BRWD1: variants seen among roughly 807,000 people sequenced by gnomAD.
The protein encoded by BRWD1 is bromodomain and WD repeat-containing protein 1.
A neutral mutation model predicts 251.2 loss-of-function variants in BRWD1; 82 were observed. The ratio of observed to expected loss-of-function variants is 0.33; its 90% CI spans 0.27 to 0.39. The LOEUF is 0.39. Among genes scored for constraint, BRWD1 ranks in the 10% least tolerant of loss-of-function variants. BRWD1 has a pLI of 1.00. For synonymous variants in BRWD1, 918 were observed against 902.8 expected (o/e 1.02, Z -0.30); for missense variants, 2,233 against 2,711.6 (o/e 0.82, Z 3.92).
chr21:39,233,290 G>T (rs1400430535), intron 23 of BRWD1, among the ~76,000 whole-genome samples: 1 of 152,114 alleles, frequency 6.6e-6, no homozygotes, highest in Non-Finnish European at 1.5e-5. Context: ...AAATCACCCA[G>T]TCAAATCAGC....
chr21:39,218,418 G>C, intron 30 of BRWD1, 87 bp downstream of exon 30: 2 of 1,435,136 alleles, frequency 1.4e-6, no homozygotes, highest in African/African-American at 2.9e-5. Flanking sequence ...GAAAAGAACA[G>C]AAACCTCAAT....
chr21:39,236,605 G>C lies in BRWD1; in HGVS notation c.2756C>G (p.Pro919Arg). The C allele has an allele frequency of 6.2e-7, 1 of 1,602,914 alleles. No homozygotes were observed. The highest frequency in any genetic ancestry group is 2.2e-5 in the East Asian group (1 of 44,732). Residue 919 changes from proline (P) to arginine (R), a missense_variant, in exon 23 of 41, where the codon CCT becomes CGT. Physicochemically the swap from Pro to Arg is moderately radical, Grantham distance 103. Transcript: ENST00000342449. ...ATACGTTTTTCTTACCTCCTTCTTA[G>C]GCTTATTTTCTTTCTTTCTCTTTCG... ...RRRKRKKENK[P>R]KKENLRRMTP... is the part of the protein sequence containing the mutation.
chr21:39,214,266 A>G (rs1157000587), intron 32 of BRWD1, among the ~76,000 whole-genome samples: 2 of 152,220 alleles, frequency 1.3e-5, no homozygotes, highest in East Asian at 1.9e-4. Context: ...TTTCCAAGTC[A>G]GTTTACATTC....
At chr21:39,286,520 CTT>C (rs1010358852) in intron 8 of BRWD1, among the ~76,000 whole-genome samples, 1 of 137,708 alleles carries the variant, frequency 7.3e-6, no homozygotes, top group Non-Finnish European at 1.6e-5. Context: ...AGTATTTGTA[CTT>C]TTTTTTTTTT....
Position 39,188,981 on chromosome 21 carries a change from G to T in BRWD1, c.*7278C>A, listed in dbSNP as rs566334276. ...CCTTCAGCTGGACTCTGTGGGAAGA[G>T]AAGTGGCTTAAAGTGCACTGTGTTT... is the stretch of plus-strand genomic sequence containing the variant. On this transcript the variant is annotated 3_prime_UTR_variant, in exon 41 of 41. Coordinates refer to ENST00000342449, the MANE Select transcript of BRWD1 (RefSeq NM_033656.4). 9.2e-5 allele frequency: 91 copies of T among 985,390 alleles called. No homozygotes were observed. The highest frequency in any genetic ancestry group is 1.0e-4 in the Non-Finnish European group (85 of 829,924). 61.0% of individuals were successfully genotyped at this position (985,390 alleles called of 1,614,324 possible).
intron 18 of BRWD1, among the ~76,000 whole-genome samples, chr21:39,256,409 C>G (rs2034564263): frequency 6.6e-6 from 1 of 152,160 alleles, no homozygotes; most frequent in East Asian, 1.9e-4. Flanking sequence ...TCTGAGCCAC[C>G]AAGGCAAGTA....
At position 39,188,487 on chromosome 21, in the gene BRWD1, C is replaced by G; in HGVS notation, c.*7772G>C. The G allele has an allele frequency of 1.0e-6, 1 of 985,392 alleles. No individual in the cohort carries two copies. The allele number at this position is 985,392 out of a possible 1,614,324, so 61.0% of individuals were successfully genotyped here. On this transcript the variant is annotated 3_prime_UTR_variant, in exon 41 of 41. Transcript: ENST00000342449. ...TTTAGTCAGATACTATCAAGTAACACTATTATTCTGTAGCAATGAAACCAC... is the reference window on the plus strand; with the variant it reads ...TTTAGTCAGATACTATCAAGTAACAGTATTATTCTGTAGCAATGAAACCAC...
chr21:39,263,286 A>G (rs956271953), intron 17 of BRWD1, among the ~76,000 whole-genome samples: 2 of 152,342 alleles, frequency 1.3e-5, no homozygotes, highest in South Asian at 2.1e-4. Context: ...TCATCCAAAC[A>G]AACAAAATAG....
intron 38 of BRWD1, among the ~76,000 whole-genome samples, chr21:39,202,018 T>C (rs2032134581): frequency 6.6e-6 from 1 of 152,212 alleles, no homozygotes; most frequent in Admixed American, 6.5e-5. Flanking sequence ...TGAACTTCAT[T>C]GATTCTTAGT....
At chr21:39,262,292 A>G (rs1486726208) in intron 17 of BRWD1, among the ~76,000 whole-genome samples, 2 of 152,222 alleles carry the variant, frequency 1.3e-5, no homozygotes, top group African/African-American at 4.8e-5. Flanking sequence ...AAAACAAATG[A>G]TAATATACCC....
downstream of BRWD1, chr21:39,184,544 G>C (rs2031100579): frequency 6.6e-6 from 1 of 152,236 alleles, no homozygotes; most frequent in Non-Finnish European, 1.5e-5. Context: ...GACTTTGTCA[G>C]TAGTCACGAA....
At position 39,189,823 on chromosome 21, in the gene BRWD1, T is replaced by C. The variant is rs1290356459; in HGVS notation, c.*6436A>G. On this transcript the variant is annotated 3_prime_UTR_variant, in exon 41 of 41. Transcript: ENST00000342449. Reference sequence around the variant, plus strand: ...AGGGTTAGAAGTCAAATTTGTGTGTTAGGGTACAAGCTTAAGAACTCTGGA... The same window carrying C: ...AGGGTTAGAAGTCAAATTTGTGTGTCAGGGTACAAGCTTAAGAACTCTGGA... The C allele has an allele frequency of 3.0e-6, 3 of 985,250 alleles. No individual in the cohort carries two copies. Among genetic ancestry groups the C allele is most frequent in the Admixed American group, 6.1e-5 (1 of 16,266 alleles). The allele number at this position is 985,250 out of a possible 1,614,324, so 61.0% of individuals were successfully genotyped here.
At chr21:39,213,443 A>G in intron 33 of BRWD1, 38 bp downstream of exon 33, 1 of 1,543,714 alleles carries the variant, frequency 6.5e-7, no homozygotes, top group Non-Finnish European at 8.9e-7. Flanking sequence ...ACCATTTGAA[A>G]TTAACAAAAA....
rs1470867462 is a variant in BRWD1, at chr21:39,210,071, C to G, written c.4121G>C (p.Ser1374Thr). The G allele has an allele frequency of 1.2e-6, 2 of 1,613,492 alleles. No homozygotes were observed. The highest frequency in any genetic ancestry group is 4.5e-5 in the East Asian group (2 of 44,802). Residue 1374 changes from serine (S) to threonine (T), a missense_variant, in exon 36 of 41, where the codon AGC becomes ACC. Physicochemically the swap from Ser to Thr is moderately conservative, Grantham distance 58. Transcript: ENST00000342449. ...RETLDAGNYD[S>T]PLEFCKDIRL... is the part of the protein sequence containing the mutation. ...GATGTCTTTGCAAAACTCCAAAGGG[C>G]TGTCATAATTTCCCGCATCTAGAGT...
intron 15 of BRWD1, among the ~76,000 whole-genome samples, chr21:39,269,008 A>C (rs1230496190): frequency 1.3e-5 from 2 of 152,032 alleles, no homozygotes; most frequent in Non-Finnish European, 2.9e-5. Context: ...GAAAAAGAAA[A>C]GAAAAAAAAG....
intron 22 of BRWD1, among the ~76,000 whole-genome samples, chr21:39,237,900 A>G (rs921045263): frequency 6.6e-6 from 1 of 152,206 alleles, no homozygotes; most frequent in Non-Finnish European, 1.5e-5. Context: ...GAAGTAAAAC[A>G]AGACAAGAAA....
At chr21:39,236,568 C>T in intron 23 of BRWD1, 27 bp downstream of exon 23, 3 of 1,517,266 alleles carry the variant, frequency 2.0e-6, no homozygotes, top group Non-Finnish European at 2.7e-6. Context: ...ATGATACATG[C>T]TATTTTTAAA....
In BRWD1 at chr21:39,240,676, A is replaced by G. The variant is rs371923980; in HGVS notation, c.2482-2103T>C. 1.2e-4 allele frequency among the ~76,000 whole-genome samples: 18 copies of G among 152,350 alleles called. No individual in the cohort carries two copies. In the East Asian group the frequency reaches 1.7e-3, roughly 15 times the overall value. On this transcript the variant is annotated intron_variant, in intron 21 of 40. Coordinates refer to ENST00000342449, the MANE Select transcript of BRWD1 (RefSeq NM_033656.4). ...TTTCAATCATGCCATAAAGTACTACATAACTCTTAAAACAAATAAGGATCA... is the reference window on the plus strand; with the variant it reads ...TTTCAATCATGCCATAAAGTACTACGTAACTCTTAAAACAAATAAGGATCA...
chr21:39,287,372 G>A (rs1437922484), intron 8 of BRWD1, among the ~76,000 whole-genome samples: 1 of 152,014 alleles, frequency 6.6e-6, no homozygotes, highest in Middle Eastern at 3.2e-3. Flanking sequence ...TTCTCAATTT[G>A]GATTTGTCTG....
Sources: gnomAD v4.1 joint callset for allele counts (sites outside exome capture counted in the v4.1 genomes callset) on GRCh38, gnomAD v4.1.1 for gene constraint, MANE v1.5 for transcripts, NCBI Gene and HGNC (gene_info 2026-07-23, HGNC 2026-07-21) for gene names.